GPC5: variants seen among roughly 807,000 people sequenced by gnomAD.
GPC5 encodes glypican-5.
In GPC5, 47 loss-of-function variants were observed where a neutral mutation model predicts 53.9. The observed-to-expected ratio is 0.87, with a 90% CI of 0.69 to 1.11. The LOEUF (loss-of-function observed/expected upper bound fraction) is 1.11. Among genes scored for constraint, GPC5 ranks in the 50% most tolerant of loss-of-function variants. The pLI is 0.00. For synonymous variants in GPC5, 286 were observed against 263.3 expected (o/e 1.09, Z -0.84); for missense variants, 748 against 713.1 (o/e 1.05, Z -0.56).
intron 6 of GPC5, among the ~76,000 whole-genome samples, chr13:92,021,832 G>A (rs2040761012): frequency 6.6e-6 from 1 of 152,056 alleles, no homozygotes; most frequent in East Asian, 1.9e-4. Context: ...AGAAATTTCA[G>A]ATTTTCCCTT....
chr13:91,658,827 G>A (rs1042139952), intron 2 of GPC5, among the ~76,000 whole-genome samples: 7 of 152,090 alleles, frequency 4.6e-5, no homozygotes, highest in South Asian at 4.2e-4. Context: ...TTCCTACCTC[G>A]GGGCCTTCAC....
intron 6 of GPC5, among the ~76,000 whole-genome samples, chr13:91,913,885 C>T (rs2039634072): frequency 6.6e-6 from 1 of 152,184 alleles, no homozygotes; most frequent in South Asian, 2.1e-4. Flanking sequence ...AAAGGGAGAA[C>T]ACTTATTCCT....
intron 2 of GPC5, among the ~76,000 whole-genome samples, chr13:91,677,390 TG>T (rs1210806315): frequency 6.6e-6 from 1 of 152,204 alleles, no homozygotes; most frequent in Non-Finnish European, 1.5e-5. Context: ...TCCAGTTTTA[TG>T]GAATTTGGTG....
In GPC5 at chr13:92,751,303, T is replaced by TAAAAAAAAAAA. The variant is rs71123435; in HGVS notation, c.1562-114957_1562-114947dup. ...AAACCTTTGGTCATCCAGAAACATT[T>TAAAAAAAAAAA]AAAAAAAAAAAAAAAAAAAAAAAAA... On this transcript the variant is annotated intron_variant, in intron 7 of 7. Coordinates refer to ENST00000377067, the MANE Select transcript of GPC5 (RefSeq NM_004466.6). Among the ~76,000 whole-genome samples, 2 of 38,772 alleles carry TAAAAAAAAAAA rather than the reference T, an allele frequency of 5.2e-5. 1 individual carries two copies. The highest frequency in any genetic ancestry group is 7.4e-4 in the Admixed American group (2 of 2,712). 25.4% of individuals were successfully genotyped at this position (38,772 alleles called of 152,430 possible). A position where few individuals can be genotyped will look rare whatever the true frequency, so the allele number is the denominator to read the frequency against.
At chr13:91,723,310 T>G (rs552153342) in intron 3 of GPC5, among the ~76,000 whole-genome samples, 80 of 152,238 alleles carry the variant, frequency 5.3e-4, no homozygotes, top group African/African-American at 1.9e-3. Flanking sequence ...GCCATTTACA[T>G]TTTATATACA....
At chr13:91,535,577 G>A (rs376664103) in intron 2 of GPC5, among the ~76,000 whole-genome samples, 1 of 151,988 alleles carries the variant, frequency 6.6e-6, no homozygotes, top group African/African-American at 2.4e-5. Context: ...TATTCCTGGG[G>A]TGCCTACTCC....
chr13:92,060,616 T>C (rs2041115217), intron 6 of GPC5, among the ~76,000 whole-genome samples: 1 of 151,966 alleles, frequency 6.6e-6, no homozygotes, highest in Non-Finnish European at 1.5e-5. Flanking sequence ...AAGACATATA[T>C]CAAAATAACT....
chr13:92,472,132 G>C (rs186542271), intron 7 of GPC5, among the ~76,000 whole-genome samples: 1 of 152,108 alleles, frequency 6.6e-6, no homozygotes, highest in East Asian at 1.9e-4. Context: ...GATCAGGAAT[G>C]AAATGTTAGG....
intron 6 of GPC5, among the ~76,000 whole-genome samples, chr13:91,909,288 T>C (rs1453097135): frequency 6.6e-6 from 1 of 152,186 alleles, no homozygotes; most frequent in Non-Finnish European, 1.5e-5. Flanking sequence ...TCCACTATAG[T>C]ATAATATGTA....
chr13:92,839,755 GAAGAA>G (rs1009090668), intron 7 of GPC5, among the ~76,000 whole-genome samples: 2 of 151,988 alleles, frequency 1.3e-5, no homozygotes, highest in African/African-American at 2.4e-5. Context: ...CTAGACTAAT[GAAGAA>G]AAGAGAGACT....
intron 7 of GPC5, among the ~76,000 whole-genome samples, chr13:92,242,534 G>T (rs1369625938): frequency 6.6e-6 from 1 of 151,580 alleles, no homozygotes; most frequent in Non-Finnish European, 1.5e-5. Context: ...AAACTTCAAG[G>T]TTCATTTTTT....
intron 7 of GPC5, among the ~76,000 whole-genome samples, chr13:92,373,049 G>A (rs1011714510): frequency 6.6e-6 from 1 of 152,062 alleles, no homozygotes; most frequent in Non-Finnish European, 1.5e-5. Context: ...AATAGTAATT[G>A]GTTTTAAATC....
chr13:92,815,432 G>A (rs760009924), intron 7 of GPC5, among the ~76,000 whole-genome samples: 13 of 152,102 alleles, frequency 8.5e-5, no homozygotes, highest in Middle Eastern at 3.4e-3. Flanking sequence ...GAGGAAGAGC[G>A]AGGGGTCAAC....
intron 7 of GPC5, among the ~76,000 whole-genome samples, chr13:92,469,180 T>A (rs1878814603): frequency 6.6e-6 from 1 of 152,034 alleles, no homozygotes; most frequent in South Asian, 2.1e-4. Context: ...TCCAAGTAGG[T>A]TATCTTAAGG....
chr13:92,767,433 C>G (rs926975251), intron 7 of GPC5, among the ~76,000 whole-genome samples: 2 of 152,086 alleles, frequency 1.3e-5, no homozygotes, highest in Non-Finnish European at 1.5e-5. Flanking sequence ...ATCGCGCCAC[C>G]ACACTTCAGC....
At chr13:91,894,949 C>G (rs1231564969) in intron 5 of GPC5, among the ~76,000 whole-genome samples, 2 of 151,762 alleles carry the variant, frequency 1.3e-5, no homozygotes, top group African/African-American at 4.8e-5. Context: ...GTCTTTAAAC[C>G]AGAAAGCAAT....
intron 7 of GPC5, among the ~76,000 whole-genome samples, chr13:92,254,195 A>G (rs2042711354): frequency 6.6e-6 from 1 of 152,156 alleles, no homozygotes; most frequent in Admixed American, 6.6e-5. Flanking sequence ...TCCCCATTGG[A>G]TGAACCAACT....
intron 6 of GPC5, among the ~76,000 whole-genome samples, chr13:91,914,876 C>A (rs2039643962): frequency 1.3e-5 from 2 of 152,044 alleles, no homozygotes; most frequent in African/African-American, 4.8e-5. Context: ...TGCTATAAAA[C>A]AAATTTTATA....
At chr13:91,822,554 T>G (rs979879364) in intron 5 of GPC5, among the ~76,000 whole-genome samples, 2 of 152,180 alleles carry the variant, frequency 1.3e-5, no homozygotes, top group South Asian at 4.1e-4. Context: ...AGAGAACTTG[T>G]GCAGGGGAAC....
Sources: allele counts gnomAD v4.1 joint callset (sites outside exome capture counted in the v4.1 genomes callset), GRCh38; gene constraint gnomAD v4.1.1; transcripts MANE v1.5; gene names NCBI Gene and HGNC (gene_info 2026-07-23, HGNC 2026-07-21).